The following MYRIP variants were observed in gnomAD, a reference collection of about 807,000 sequenced individuals.
MYRIP encodes myosin VIIA and Rab interacting protein.
Under a neutral mutation model 98.0 loss-of-function variants are expected in MYRIP, and 49 were observed. That is an observed-to-expected ratio of 0.50 (90% confidence interval 0.40 to 0.63). The LOEUF is 0.63. Among genes scored for constraint, MYRIP ranks in the 30% least tolerant of loss-of-function variants. The pLI is 0.00. For synonymous variants in MYRIP, 404 were observed against 409.5 expected (o/e 0.99, Z 0.16); for missense variants, 1,004 against 1,058.2 (o/e 0.95, Z 0.71).
intron 3 of MYRIP, among the ~76,000 whole-genome samples, chr3:40,148,689 C>T (rs562858318): frequency 1.3e-5 from 2 of 152,248 alleles, no homozygotes; most frequent in South Asian, 4.1e-4. Flanking sequence ...CTTTCAATAT[C>T]CTGAGTTATC....
intron 5 of MYRIP, among the ~76,000 whole-genome samples, chr3:40,166,483 A>G (rs1950502463): frequency 6.6e-6 from 1 of 152,106 alleles, no homozygotes; most frequent in Admixed American, 6.5e-5. Flanking sequence ...AGAACCTGGG[A>G]CAGACCTCCA....
intron 3 of MYRIP, among the ~76,000 whole-genome samples, chr3:40,110,141 A>T (rs985991079): frequency 6.6e-6 from 1 of 152,206 alleles, no homozygotes; most frequent in East Asian, 1.9e-4. Context: ...TGCCAGACTC[A>T]TTGGAAATAC....
rs564570990 is a variant in MYRIP, at chr3:40,037,808, C to G, written c.111-6242C>G. ...AACCATTTACATCATTGCCTACCCC[C>G]CTTCCTGTTTTCTCTCTGGCTCACA... On this transcript the variant is annotated intron_variant, in intron 2 of 16. Transcript: ENST00000302541. 8.5e-5 allele frequency among the ~76,000 whole-genome samples: 13 copies of G among 152,180 alleles called. No individual in the cohort carries two copies. The South Asian group carries it at 2.5e-3, about 29-fold the overall frequency.
intron 2 of MYRIP, among the ~76,000 whole-genome samples, chr3:39,951,939 A>T (rs1945026782): frequency 6.6e-6 from 1 of 152,182 alleles, no homozygotes; most frequent in Non-Finnish European, 1.5e-5. Flanking sequence ...AACCTATTTT[A>T]ACTGTACAAT....
At chr3:40,037,726 T>G (rs1422099686) in intron 2 of MYRIP, among the ~76,000 whole-genome samples, 1 of 152,100 alleles carries the variant, frequency 6.6e-6, no homozygotes, top group Admixed American at 6.6e-5. Flanking sequence ...CTCTGCACCC[T>G]CTTTTCACAT....
At chr3:39,996,086 T>C (rs777998646) in intron 2 of MYRIP, among the ~76,000 whole-genome samples, 1 of 152,054 alleles carries the variant, frequency 6.6e-6, no homozygotes, top group African/African-American at 2.4e-5. Context: ...ACATGCCAAA[T>C]TGTAAAGACC....
chr3:40,123,619 T>C (rs917257489), intron 3 of MYRIP, among the ~76,000 whole-genome samples: 2 of 152,188 alleles, frequency 1.3e-5, no homozygotes, highest in African/African-American at 4.8e-5. Context: ...GAGGCTGGTT[T>C]ATTGTTTACA....
intron 1 of MYRIP, among the ~76,000 whole-genome samples, chr3:39,815,483 A>G (rs866494983): frequency 2.6e-5 from 4 of 151,942 alleles, no homozygotes; most frequent in African/African-American, 7.3e-5. Context: ...TAGAAGTTTT[A>G]TTGCTCTTGT....
intron 2 of MYRIP, among the ~76,000 whole-genome samples, chr3:40,013,678 T>C (rs1384965376): frequency 6.6e-6 from 1 of 152,234 alleles, no homozygotes; most frequent in Non-Finnish European, 1.5e-5. Flanking sequence ...GTTAGTTTCA[T>C]AACCTCTCTG....
chr3:39,878,577 GGT>G (rs1382763579), intron 1 of MYRIP, among the ~76,000 whole-genome samples: 1 of 151,376 alleles, frequency 6.6e-6, no homozygotes, highest in Non-Finnish European at 1.5e-5. Flanking sequence ...TATACACAGA[GGT>G]GTATATATAT....
intron 1 of MYRIP, among the ~76,000 whole-genome samples, chr3:39,872,565 C>T (rs1369740666): frequency 1.3e-5 from 2 of 148,816 alleles, no homozygotes; most frequent in East Asian, 4.1e-4. Context: ...TCAATTCCCA[C>T]CTATGAATGA....
In MYRIP at chr3:40,153,205, C is replaced by T. The variant is rs907318845; in HGVS notation, c.469+2021C>T. On this transcript the variant is annotated intron_variant, in intron 4 of 16. Transcript: ENST00000302541. ...ATACTATTTGTATCTCCATTTAAGT[C>T]GAGATTTCTTTTGGAGAAACATGAA... 4.6e-5 allele frequency among the ~76,000 whole-genome samples: 7 copies of T among 152,020 alleles called. 1 individual carries two copies. Among genetic ancestry groups the T allele is most frequent in the South Asian group, 4.1e-4 (2 of 4,826 alleles).
chr3:39,923,859 G>T (rs1424066924), intron 2 of MYRIP, among the ~76,000 whole-genome samples: 1 of 152,042 alleles, frequency 6.6e-6, no homozygotes, highest in East Asian at 1.9e-4. Flanking sequence ...ATGGGGTAAA[G>T]GAACATAAAG....
intron 1 of MYRIP, among the ~76,000 whole-genome samples, chr3:39,860,848 A>G (rs1942448278): frequency 6.6e-6 from 1 of 152,124 alleles, no homozygotes. Context: ...AGGCATGTAT[A>G]CCCCACTAGT....
chr3:39,881,683 AC>A, intron 1 of MYRIP, among the ~76,000 whole-genome samples: 1 of 152,232 alleles, frequency 6.6e-6, no homozygotes, highest in South Asian at 2.1e-4. Context: ...AGAGGAAGTT[AC>A]CTTTCTGCTT....
rs549532477 is a variant in MYRIP at position 39,827,402 on chromosome 3, C to G, written c.-31+17486C>G. Among the ~76,000 whole-genome samples the G allele has an allele frequency of 3.9e-5, 6 of 152,268 alleles. No individual in the cohort carries two copies. The South Asian group carries it at 8.3e-4, about 21-fold the overall frequency. On this transcript the variant is annotated intron_variant, in intron 1 of 16. Transcript: ENST00000302541. ...TACTCAGTTTATAGGCGTGAGCCAC[C>G]GCATCAAGCCAGGTCTTATTTTTTT...
intron 2 of MYRIP, among the ~76,000 whole-genome samples, chr3:39,943,594 A>G (rs1250953161): frequency 1.3e-5 from 2 of 152,114 alleles, no homozygotes; most frequent in African/African-American, 4.8e-5. Context: ...ACACTGTCCT[A>G]TGAGATCAGT....
intron 3 of MYRIP, among the ~76,000 whole-genome samples, chr3:40,130,523 G>A (rs1024252831): frequency 4.0e-5 from 6 of 151,548 alleles, no homozygotes; most frequent in East Asian, 1.9e-4. Flanking sequence ...GACTACAGGC[G>A]CCCACCATCA....
intron 1 of MYRIP, among the ~76,000 whole-genome samples, chr3:39,825,768 T>A (rs1941243944): frequency 6.6e-6 from 1 of 152,190 alleles, no homozygotes; most frequent in Non-Finnish European, 1.5e-5. Context: ...TAACTATTCT[T>A]TAACAGTTTG....
Sources: gnomAD v4.1 joint callset for allele counts (sites outside exome capture counted in the v4.1 genomes callset) on GRCh38, gnomAD v4.1.1 for gene constraint, MANE v1.5 for transcripts, NCBI Gene and HGNC (gene_info 2026-07-23, HGNC 2026-07-21) for gene names.